Variants in OR56A3 observed in about 807,000 individuals in gnomAD.
OR56A3 encodes the protein olfactory receptor family 56 subfamily A member 3.
A neutral mutation model predicts 17.5 loss-of-function variants in OR56A3; 23 were observed. That is an observed-to-expected ratio of 1.32 (90% CI 0.95 to 1.87). The LOEUF (loss-of-function observed/expected upper bound fraction) is 1.87. Ranked by LOEUF, OR56A3 falls within the 40% of genes most tolerant of loss-of-function variation. The probability of loss-of-function intolerance (pLI) is 0.00; values close to 1 mark genes in which losing one functional copy is unlikely to be tolerated. For missense variants in OR56A3, 366 were observed against 380.1 expected (o/e 0.96, Z 0.31); for synonymous variants, 175 against 150.6 (o/e 1.16, Z -1.19).
the OR56A3 span, among the ~76,000 whole-genome samples, chr11:5,964,826 A>C: frequency 1.3e-5 from 2 of 152,208 alleles, no homozygotes; most frequent in African/African-American, 4.8e-5. Flanking sequence ...AGGTCCAAGC[A>C]AAGTCCAATG....
the OR56A3 span, among the ~76,000 whole-genome samples, chr11:6,012,324 A>G: frequency 6.6e-6 from 1 of 152,330 alleles, no homozygotes; most frequent in African/African-American, 2.4e-5. Flanking sequence ...CAGACAGGGT[A>G]GCTCCTTTCT....
At chr11:5,976,328 A>G in the OR56A3 span, among the ~76,000 whole-genome samples, 1 of 152,150 alleles carries the variant, frequency 6.6e-6, no homozygotes, top group African/African-American at 2.4e-5. Flanking sequence ...GGTAAAAGAA[A>G]AGAAAGGGAA....
the OR56A3 span, among the ~76,000 whole-genome samples, chr11:6,008,725 A>T: frequency 6.6e-6 from 1 of 152,104 alleles, no homozygotes; most frequent in East Asian, 1.9e-4. Context: ...TGACTCTATA[A>T]TTTACTAAGC....
At chr11:5,992,293 A>G in the OR56A3 span, among the ~76,000 whole-genome samples, 2 of 152,168 alleles carry the variant, frequency 1.3e-5, no homozygotes, top group Admixed American at 1.3e-4. Context: ...TTCCTTCTCC[A>G]ACGCAGTTCA....
chr11:5,977,367 C>T, the OR56A3 span, among the ~76,000 whole-genome samples: 3 of 152,164 alleles, frequency 2.0e-5, no homozygotes, highest in Non-Finnish European at 4.4e-5. Context: ...TGGTATCTTG[C>T]CACTATCTGT....
At chr11:5,967,764 C>T in the OR56A3 span, 4 of 1,600,082 alleles carry the variant, frequency 2.5e-6, no homozygotes, top group African/African-American at 1.3e-5. Flanking sequence ...GTGGGAACCA[C>T]AAGTACCTAG....
the OR56A3 span, among the ~76,000 whole-genome samples, chr11:5,969,395 G>A: frequency 6.6e-6 from 1 of 152,150 alleles, no homozygotes; most frequent in South Asian, 2.1e-4. Context: ...CATAAAGACA[G>A]TAGAAACATC....
the OR56A3 span, chr11:6,000,109 C>G: frequency 6.6e-6 from 1 of 152,216 alleles, no homozygotes; most frequent in Non-Finnish European, 1.5e-5. Flanking sequence ...CATCCCATTA[C>G]TGGGTACATA....
In OR56A3 at chr11:5,944,795, AT is replaced by A. The variant is rs1564799182; in HGVS notation, c.-313-9del. The stretch of plus-strand genomic sequence containing the variant: ...TATCAGGTCATTACTAATATACCCT[AT>A]TATTTACAGGAGAAAAGAATTGGGA... On this transcript the variant is annotated splice_polypyrimidine_tract_variant and intron_variant, in intron 1 of 2. Transcript: ENST00000641160. 1 of 152,212 alleles carries A rather than the reference AT, an allele frequency of 6.6e-6. No individual in the cohort carries two copies. The highest frequency in any genetic ancestry group is 1.5e-5 in the Non-Finnish European group (1 of 68,028). 9.4% of individuals were successfully genotyped at this position (152,212 alleles called of 1,614,324 possible).
the OR56A3 span, among the ~76,000 whole-genome samples, chr11:5,974,370 G>A: frequency 6.6e-6 from 1 of 152,112 alleles, no homozygotes; most frequent in African/African-American, 2.4e-5. Flanking sequence ...CTCTCAAAGT[G>A]CTAGGATTAC....
chr11:5,971,959 CTA>C, the OR56A3 span, among the ~76,000 whole-genome samples: 1 of 152,118 alleles, frequency 6.6e-6, no homozygotes, highest in Non-Finnish European at 1.5e-5. Flanking sequence ...GAAGAAAAAA[CTA>C]GGGCTATTAG....
chr11:5,999,594 T>C, the OR56A3 span: 1 of 152,350 alleles, frequency 6.6e-6, no homozygotes, highest in East Asian at 1.9e-4. Flanking sequence ...GTTCATTTTG[T>C]GCTGGCTAAA....
At chr11:5,957,382 A>T in the OR56A3 span, among the ~76,000 whole-genome samples, 1 of 152,166 alleles carries the variant, frequency 6.6e-6, no homozygotes, top group Non-Finnish European at 1.5e-5. Flanking sequence ...AATCTATCTC[A>T]TAAGCATTTA....
the OR56A3 span, among the ~76,000 whole-genome samples, chr11:5,963,409 C>G: frequency 1.3e-5 from 2 of 152,068 alleles, no homozygotes; most frequent in Non-Finnish European, 2.9e-5. Context: ...GAGTCTTTAT[C>G]TCTCCTTCAT....
At chr11:6,020,033 CTTTT>C in the OR56A3 span, 12 of 152,054 alleles carry the variant, frequency 7.9e-5, no homozygotes, top group Non-Finnish European at 1.8e-4. Context: ...GCTCTAGTGA[CTTTT>C]TCAGAAAATG....
At chr11:6,002,627 G>C in the OR56A3 span, 1 of 1,614,242 alleles carries the variant, frequency 6.2e-7, no homozygotes, top group Non-Finnish European at 8.5e-7. Flanking sequence ...AACGGTCATA[G>C]GCCATGACCA....
At chr11:5,988,710 T>G in the OR56A3 span, among the ~76,000 whole-genome samples, 1 of 152,338 alleles carries the variant, frequency 6.6e-6, no homozygotes, top group Non-Finnish European at 1.5e-5. Flanking sequence ...TTGATATGTT[T>G]ACCTCTCATC....
At chr11:5,998,811 A>G in the OR56A3 span, among the ~76,000 whole-genome samples, 1 of 152,248 alleles carries the variant, frequency 6.6e-6, no homozygotes, top group African/African-American at 2.4e-5. Context: ...CTGTGTGGTC[A>G]TGAATTACGA....
the OR56A3 span, among the ~76,000 whole-genome samples, chr11:5,984,528 G>T: frequency 6.6e-6 from 1 of 152,142 alleles, no homozygotes; most frequent in African/African-American, 2.4e-5. Context: ...GACTCTCTAG[G>T]GTTAAGAGAG....
Sources: gnomAD v4.1 joint callset for allele counts (sites outside exome capture counted in the v4.1 genomes callset) on GRCh38, gnomAD v4.1.1 for gene constraint, MANE v1.5 for transcripts, NCBI Gene and HGNC (gene_info 2026-07-23, HGNC 2026-07-21) for gene names.